CAGE1: variants seen among roughly 807,000 people sequenced by gnomAD.
The protein encoded by CAGE1 is cancer-associated gene 1 protein.
In CAGE1, 66 loss-of-function variants were observed where a neutral mutation model predicts 94.9. That is an observed-to-expected ratio of 0.70 (90% CI 0.57 to 0.85). CAGE1 has a LOEUF of 0.85. CAGE1 is among the 40% of genes least tolerant of loss of function. The pLI, the probability that CAGE1 is intolerant of heterozygous loss-of-function variation, is 0.00. For synonymous variants in CAGE1, 319 were observed against 321.0 expected (o/e 0.99, Z 0.07); for missense variants, 865 against 950.4 (o/e 0.91, Z 1.18).
Position 7,334,012 on chromosome 6 carries a change from G to T in CAGE1, c.2438+10C>A. ...GACATTATTAATTTTAAAAATAAAGGGAAACTTACCTTGGTTTTCTGGCTT... is the reference window on the plus strand; with the variant it reads ...GACATTATTAATTTTAAAAATAAAGTGAAACTTACCTTGGTTTTCTGGCTT... On this transcript the variant is annotated intron_variant, in intron 12 of 13. Coordinates refer to ENST00000502583, the MANE Select transcript of CAGE1 (RefSeq NM_001170692.2). The T allele has an allele frequency of 6.7e-7, 1 of 1,491,538 alleles. No individual in the cohort carries two copies. 92.4% of individuals were successfully genotyped at this position (1,491,538 alleles called of 1,614,324 possible).
At chr6:7,343,198 A>G (rs9392878) in intron 11 of CAGE1, among the ~76,000 whole-genome samples, 1 of 137,320 alleles carries the variant, frequency 7.3e-6, no homozygotes, top group East Asian at 2.1e-4. Flanking sequence ...CACAAAAAAA[A>G]AAAAGAAAAG....
At chr6:7,363,264 G>A (rs770844380) in intron 9 of CAGE1, among the ~76,000 whole-genome samples, 6 of 152,154 alleles carry the variant, frequency 3.9e-5, no homozygotes, top group Admixed American at 2.6e-4. Context: ...GCAAGGATCC[G>A]TCTCTAAAAA....
chr6:7,369,391 A>T (rs1760465710), intron 6 of CAGE1, among the ~76,000 whole-genome samples: 1 of 152,100 alleles, frequency 6.6e-6, no homozygotes, highest in African/African-American at 2.4e-5. Context: ...CATCTTAAAG[A>T]TAAGGAAACT....
At chr6:7,337,259 G>A (rs1057264775) in intron 11 of CAGE1, among the ~76,000 whole-genome samples, 2 of 151,222 alleles carry the variant, frequency 1.3e-5, no homozygotes, top group African/African-American at 2.4e-5. Context: ...CCTGGGAGGC[G>A]GAGGTTGCAG....
At position 7,389,224 on chromosome 6, in the gene CAGE1, A is replaced by G. The variant is rs958764373; in HGVS notation, c.-46T>C. On this transcript the variant is annotated 5_prime_UTR_variant, in exon 1 of 14. It removes an upstream start codon present in the reference 5' UTR. Transcript: ENST00000502583. ...TACCTTTTTAAAAAGCACTTATCTCATTCATTTTTCACCTCAAAACGAGAC... is the reference window on the plus strand; with the variant it reads ...TACCTTTTTAAAAAGCACTTATCTCGTTCATTTTTCACCTCAAAACGAGAC... 1 of 455,988 alleles carries G rather than the reference A, an allele frequency of 2.2e-6. No homozygotes were observed. The highest frequency in any genetic ancestry group is 2.0e-5 in the African/African-American group (1 of 50,058). The allele number at this position is 455,988 out of a possible 1,614,324, so 28.2% of individuals were successfully genotyped here. A position where few individuals can be genotyped will look rare whatever the true frequency, so the allele number is the denominator to read the frequency against.
At position 7,378,016 on chromosome 6, in the gene CAGE1, G is replaced by A. The variant is rs375082493; in HGVS notation, c.687+601C>T. Among the ~76,000 whole-genome samples the A allele has an allele frequency of 3.3e-5, 5 of 152,214 alleles. No individual in the cohort carries two copies. In the East Asian group the frequency reaches 9.6e-4, roughly 29 times the overall value. On this transcript the variant is annotated intron_variant, in intron 4 of 13. Transcript: ENST00000502583. Reference sequence around the variant, plus strand: ...ATGACAGAGAAATCTTGTTTTTCTTGAAAAATGAATTAGTGCCTCTGCACT... The same window carrying A: ...ATGACAGAGAAATCTTGTTTTTCTTAAAAAATGAATTAGTGCCTCTGCACT...
At chr6:7,385,753 C>A in intron 3 of CAGE1, 32 bp downstream of exon 3, 1 of 1,380,960 alleles carries the variant, frequency 7.2e-7, no homozygotes. Flanking sequence ...AAGTTTCTCT[C>A]TTTTGCATAT....
intron 5 of CAGE1, among the ~76,000 whole-genome samples, chr6:7,371,254 C>T (rs1377136313): frequency 2.0e-5 from 3 of 152,114 alleles, no homozygotes; most frequent in South Asian, 2.1e-4. Flanking sequence ...CTTTAACAAG[C>T]GTTTTAGGGA....
At chr6:7,388,681 GAATA>G (rs1460090810) in intron 1 of CAGE1, among the ~76,000 whole-genome samples, 2 of 152,146 alleles carry the variant, frequency 1.3e-5, no homozygotes, top group Non-Finnish European at 2.9e-5. Flanking sequence ...ATTTCTGAAT[GAATA>G]GTTTATTGAA....
chr6:7,366,993 C>T (rs946988487), intron 7 of CAGE1, among the ~76,000 whole-genome samples: 1 of 152,096 alleles, frequency 6.6e-6, no homozygotes, highest in African/African-American at 2.4e-5. Flanking sequence ...AATATTCAAA[C>T]TGATTAGTGA....
intron 11 of CAGE1, chr6:7,341,715 G>A (rs1323518993): frequency 1.4e-6 from 1 of 700,906 alleles, no homozygotes; most frequent in Non-Finnish European, 2.7e-6. Flanking sequence ...CACTATAGAA[G>A]GGAGCAGGCG....
At chr6:7,332,426 C>T (rs545590100) in intron 12 of CAGE1, among the ~76,000 whole-genome samples, 1 of 152,160 alleles carries the variant, frequency 6.6e-6, no homozygotes, top group Non-Finnish European at 1.5e-5. Context: ...GCTTCCAGGC[C>T]TCCTTGGGCA....
At chr6:7,344,541 G>A (rs559987278) in intron 11 of CAGE1, among the ~76,000 whole-genome samples, 5 of 152,222 alleles carry the variant, frequency 3.3e-5, no homozygotes, top group Non-Finnish European at 7.3e-5. Context: ...TCCTGGATGA[G>A]CGCCGCCCCC....
chr6:7,346,392 A>T (rs1370462509), intron 11 of CAGE1, among the ~76,000 whole-genome samples: 5 of 151,856 alleles, frequency 3.3e-5, no homozygotes, highest in African/African-American at 1.2e-4. Context: ...CTGTTTCTAA[A>T]ATAAATAAAA....
In CAGE1 at chr6:7,387,051, A is replaced by G. The variant is rs1561870214; in HGVS notation, c.123T>C (p.Leu41=). 6.4e-7 allele frequency: 1 copy of G among 1,551,984 alleles called. No homozygotes were observed. Among genetic ancestry groups the G allele is most frequent in the East Asian group, 2.4e-5 (1 of 40,918 alleles). ...SESDTMNVSN[L]SQGVMLSHSP... ...AATGTGAAAGCATTACACCTTGAGA[A>G]AGATTGCTGACATTCATGGTATCCG... Residue 41 remains leucine (L), a synonymous_variant, in exon 2 of 14, where the codon CTT becomes CTC. Coordinates refer to ENST00000502583, the MANE Select transcript of CAGE1 (RefSeq NM_001170692.2).
intron 11 of CAGE1, among the ~76,000 whole-genome samples, chr6:7,353,927 T>C (rs1759866562): frequency 6.6e-6 from 1 of 151,986 alleles, no homozygotes; most frequent in African/African-American, 2.4e-5. Flanking sequence ...TATAATGGAC[T>C]CTGGGGACTT....
At position 7,358,025 on chromosome 6, in the gene CAGE1, G is replaced by GAGATAGAT. The variant is rs1454896963; in HGVS notation, c.2194-1897_2194-1896insATCTATCT. ...GCCAGACTGCGGTTAGGTAAGTTTT[G>GAGATAGAT]AGATATATATATATATATATATATA... is the stretch of plus-strand genomic sequence containing the variant. On this transcript the variant is annotated intron_variant, in intron 9 of 13. Coordinates refer to ENST00000502583, the MANE Select transcript of CAGE1 (RefSeq NM_001170692.2). 1.2e-3 allele frequency among the ~76,000 whole-genome samples: 24 copies of GAGATAGAT among 20,290 alleles called. 1 individual carries two copies. The highest frequency in any genetic ancestry group is 9.3e-3 in the South Asian group (4 of 432). The allele number at this position is 20,290 out of a possible 152,430, so 13.3% of individuals were successfully genotyped here.
chr6:7,384,598 T>C (rs1405967487), intron 3 of CAGE1, among the ~76,000 whole-genome samples: 1 of 152,122 alleles, frequency 6.6e-6, no homozygotes, highest in East Asian at 1.9e-4. Context: ...GAGATCCATT[T>C]CAAAAACAAA....
At chr6:7,358,684 A>AT (rs1180099546) in intron 9 of CAGE1, among the ~76,000 whole-genome samples, 1 of 152,176 alleles carries the variant, frequency 6.6e-6, no homozygotes, top group African/African-American at 2.4e-5. Context: ...CTACAAAAAA[A>AT]ATTTTTTTTA....
Sources: gnomAD v4.1 joint callset for allele counts (sites outside exome capture counted in the v4.1 genomes callset) on GRCh38, gnomAD v4.1.1 for gene constraint, MANE v1.5 for transcripts, NCBI Gene and HGNC (gene_info 2026-07-23, HGNC 2026-07-21) for gene names.